HMCN1: variants seen among roughly 807,000 people sequenced by gnomAD.
HMCN1 encodes the protein hemicentin-1.
HMCN1 carries 321 observed loss-of-function variants against 625.9 expected under a neutral mutation model. That is an observed-to-expected ratio of 0.51 (90% CI 0.47 to 0.56). The LOEUF is 0.56. Among genes scored for constraint, HMCN1 ranks in the 20% least tolerant of loss-of-function variants. HMCN1 has a pLI of 0.00. For missense variants in HMCN1, 6,588 were observed against 6,887.3 expected (o/e 0.96, Z 1.54); for synonymous variants, 2,425 against 2,417.6 (o/e 1.00, Z -0.09).
At chr1:185,969,343 G>T (rs1167623180) in intron 14 of HMCN1, among the ~76,000 whole-genome samples, 3 of 152,162 alleles carry the variant, frequency 2.0e-5, no homozygotes, top group Non-Finnish European at 4.4e-5. Flanking sequence ...GGCACTGACG[G>T]TTGCTGATGT....
chr1:186,041,717 A>G (rs987924206), intron 40 of HMCN1, among the ~76,000 whole-genome samples: 11 of 152,156 alleles, frequency 7.2e-5, no homozygotes, highest in South Asian at 2.1e-4. Context: ...CTCCATTTAT[A>G]TATTAGCTTT....
In HMCN1 at chr1:186,086,403, G is replaced by A. The variant is rs759388184; in HGVS notation, c.9042G>A (p.Val3014=). The A allele has an allele frequency of 2.8e-5, 45 of 1,612,832 alleles. No homozygotes were observed. The highest frequency in any genetic ancestry group is 3.6e-5 in the Non-Finnish European group (43 of 1,179,344). The change falls in exon 58 of 107, where the codon GTG becomes GTA. Residue 3014 remains valine, a synonymous_variant. Transcript: ENST00000271588. ...PIKLNTNTLI[V]PGGRTLQIIR... is the part of the protein sequence containing the mutation. ...AACTGAACACAAATACTCTCATTGT[G>A]CCTGGTAAGGAACTTCTTATTATAA...
At chr1:185,785,814 C>T (rs1657526287) in intron 1 of HMCN1, among the ~76,000 whole-genome samples, 1 of 152,178 alleles carries the variant, frequency 6.6e-6, no homozygotes, top group South Asian at 2.1e-4. Flanking sequence ...AATCCCAGGA[C>T]AGTTCTGGGA....
intron 1 of HMCN1, among the ~76,000 whole-genome samples, chr1:185,803,188 C>CAAAAAAAAAAAAAAAACAAAAAAA (rs1245942461): frequency 3.0e-5 from 1 of 33,796 alleles, no homozygotes; most frequent in Non-Finnish European, 1.1e-4. Flanking sequence ...TTAGCAGAAC[C>CAAAAAAAAAAAAAAAACAAAAAAA]AAAAAAAAAA....
intron 75 of HMCN1, among the ~76,000 whole-genome samples, chr1:186,115,872 T>G (rs1470932844): frequency 6.6e-6 from 1 of 152,086 alleles, no homozygotes; most frequent in Non-Finnish European, 1.5e-5. Flanking sequence ...TTTTTTGCTT[T>G]TTTCCAAGCT....
chr1:185,865,706 C>A (rs1663142436), intron 3 of HMCN1, 35 bp from the exon 4 acceptor site: 1 of 1,583,110 alleles, frequency 6.3e-7, no homozygotes, highest in Non-Finnish European at 8.6e-7. Flanking sequence ...TCTGGAAACC[C>A]TTTACACTGT....
intron 49 of HMCN1, among the ~76,000 whole-genome samples, chr1:186,067,395 G>A (rs73040663): frequency 0.06 from 9,187 of 152,018 alleles, 383 homozygotes; most frequent in Admixed American, 0.14. Context: ...ATACTACCAT[G>A]CTCCCAACAT....
intron 86 of HMCN1, 85 bp downstream of exon 86, chr1:186,132,494 C>A (rs910874967): frequency 7.6e-5 from 83 of 1,092,876 alleles, no homozygotes; most frequent in Non-Finnish European, 1.0e-4. Flanking sequence ...AACTCTATAG[C>A]AAGTTCATTA....
chr1:186,029,278 G>A (rs935426061), intron 36 of HMCN1, among the ~76,000 whole-genome samples: 22 of 152,020 alleles, frequency 1.4e-4, no homozygotes, highest in Admixed American at 4.6e-4. Context: ...CATCAAATCA[G>A]ACTATCTGAT....
intron 74 of HMCN1, 28 bp from the exon 75 acceptor site, chr1:186,115,230 T>G: frequency 6.2e-7 from 1 of 1,613,346 alleles, no homozygotes; most frequent in Non-Finnish European, 8.5e-7. Context: ...TGACTGTGTT[T>G]CCTTCTTATT....
chr1:185,961,187 G>T (rs961283067), intron 11 of HMCN1, among the ~76,000 whole-genome samples: 1 of 152,214 alleles, frequency 6.6e-6, no homozygotes, highest in Non-Finnish European at 1.5e-5. Flanking sequence ...GCTTCCTTCA[G>T]TTGTGTAGCT....
At chr1:186,122,698 AAT>A (rs1311885990) in intron 80 of HMCN1, among the ~76,000 whole-genome samples, 3 of 152,198 alleles carry the variant, frequency 2.0e-5, no homozygotes, top group African/African-American at 7.2e-5. Flanking sequence ...TGCCCTCATG[AAT>A]ATATGTTTAT....
chr1:185,818,911 C>CTTTTT (rs200463566), intron 1 of HMCN1, among the ~76,000 whole-genome samples: 2 of 143,756 alleles, frequency 1.4e-5, no homozygotes, highest in Non-Finnish European at 3.1e-5. Context: ...GCAATTTTAC[C>CTTTTT]TTTTTTTTTT....
chr1:185,881,473 C>T (rs187809945), intron 4 of HMCN1, among the ~76,000 whole-genome samples: 92 of 152,314 alleles, frequency 6.0e-4, no homozygotes, highest in South Asian at 1.0e-3. Flanking sequence ...CTTCTTCTCT[C>T]TGCCAGCTGA....
intron 1 of HMCN1, among the ~76,000 whole-genome samples, chr1:185,758,966 C>T (rs16824426): frequency 0.039 from 5,868 of 152,190 alleles, 332 homozygotes; most frequent in African/African-American, 0.13. Flanking sequence ...CTGCTAATAT[C>T]AGTCTAACTC....
chr1:186,051,505 A>G (rs964129393), intron 42 of HMCN1, among the ~76,000 whole-genome samples: 30 of 152,020 alleles, frequency 2.0e-4, no homozygotes, highest in African/African-American at 5.1e-4. Context: ...TAGCTTTTCA[A>G]GTATTTGTAT....
rs554688508 is a variant in HMCN1 at position 186,079,410 on chromosome 1, T to A, written c.8599+1190T>A. ...GGCACACGCAAGCCATGTCAAGCCA[T>A]GCTATGCCATGCCAAACTGAGCCCC... On this transcript the variant is annotated intron_variant, in intron 55 of 106. Transcript: ENST00000271588. Among the ~76,000 whole-genome samples, 8 of 152,330 alleles carry A rather than the reference T, an allele frequency of 5.3e-5. No individual in the cohort carries two copies. In the South Asian group the frequency reaches 1.7e-3, roughly 32 times the overall value.
chr1:186,128,404 A>G lies in HMCN1; in HGVS notation c.12904+113A>G, dbSNP rs1413034354. On this transcript the variant is annotated intron_variant, in intron 83 of 106. Coordinates refer to ENST00000271588, the MANE Select transcript of HMCN1 (RefSeq NM_031935.3). ...AAAGTAACAAGAATTGATTGCTTTA[A>G]ATGCTGTAAAATGTGTGCCTCTGCT... 8.5e-6 allele frequency: 7 copies of G among 821,558 alleles called. No homozygotes were observed. In the Admixed American group the frequency reaches 1.2e-4, roughly 14 times the overall value. 50.9% of individuals were successfully genotyped at this position (821,558 alleles called of 1,614,324 possible).
At position 186,108,576 on chromosome 1, in the gene HMCN1, C is replaced by T. The variant is rs1660732774; in HGVS notation, c.10968C>T (p.Leu3656=). ...TGCCCCCACCTGTAATTACTTGGCT[C>T]AGAAATGGAGAACGGTTACAGGTAA... is the stretch of plus-strand genomic sequence containing the variant. ...DAVPPPVITW[L]RNGERLQATP... Residue 3656 remains leucine, a synonymous_variant, in exon 71 of 107, where the codon CTC becomes CTT. Transcript: ENST00000271588. The T allele has an allele frequency of 6.2e-7, 1 of 1,614,028 alleles. No homozygotes were observed.
Sources: allele counts gnomAD v4.1 joint callset (sites outside exome capture counted in the v4.1 genomes callset), GRCh38; gene constraint gnomAD v4.1.1; transcripts MANE v1.5; gene names NCBI Gene and HGNC (gene_info 2026-07-23, HGNC 2026-07-21).